The following NAA30 variants were observed in gnomAD, a reference collection of about 807,000 sequenced individuals.
NAA30 encodes the protein N-alpha-acetyltransferase 30, NatC catalytic subunit.
A neutral mutation model predicts 31.4 loss-of-function variants in NAA30; 5 were observed. The observed-to-expected ratio is 0.16, with a 90% confidence interval of 0.08 to 0.33. The LOEUF is 0.33. Ranked by LOEUF, NAA30 falls within the 10% of genes least tolerant of loss-of-function variation. The pLI is 1.00. For synonymous variants in NAA30, 222 were observed against 207.1 expected (o/e 1.07, Z -0.62); for missense variants, 428 against 490.8 (o/e 0.87, Z 1.21).
At chr14:57,404,324 A>C (rs1042457308) in intron 4 of NAA30, among the ~76,000 whole-genome samples, 1 of 152,190 alleles carries the variant, frequency 6.6e-6, no homozygotes, top group Non-Finnish European at 1.5e-5. Flanking sequence ...TCCATCACAC[A>C]CACACACACA....
chr14:57,390,782 C>T, intron 1 of NAA30, 77 bp downstream of exon 1: 1 of 568,372 alleles, frequency 1.8e-6, no homozygotes, highest in Non-Finnish European at 2.7e-6. Flanking sequence ...GCCGGCTGAG[C>T]AGCTGGGCGG....
intron 2 of NAA30, among the ~76,000 whole-genome samples, chr14:57,393,041 G>A (rs1444127277): frequency 6.6e-6 from 1 of 152,072 alleles, no homozygotes; most frequent in Non-Finnish European, 1.5e-5. Context: ...ATGATTTATA[G>A]CACTATTATA....
intron 2 of NAA30, among the ~76,000 whole-genome samples, chr14:57,392,276 A>G (rs556671476): frequency 6.6e-6 from 1 of 152,328 alleles, no homozygotes; most frequent in African/African-American, 2.4e-5. Flanking sequence ...TAACAGTTGT[A>G]GCCAGCCTGC....
At chr14:57,406,870 A>T (rs1394700666) in intron 4 of NAA30, among the ~76,000 whole-genome samples, 3 of 152,092 alleles carry the variant, frequency 2.0e-5, no homozygotes, top group Non-Finnish European at 2.9e-5. Flanking sequence ...AAATTTAATT[A>T]TGTCTGTGTG....
intron 4 of NAA30, among the ~76,000 whole-genome samples, chr14:57,400,895 TG>T (rs200779138): frequency 9.5e-4 from 142 of 149,978 alleles, no homozygotes; most frequent in African/African-American, 3.5e-3. Context: ...GGTTTTTTTT[TG>T]TTTTTTTTTT....
Position 57,399,851 on chromosome 14 carries a change from A to T in NAA30, c.919A>T (p.Ile307Leu). Residue 307 changes from isoleucine to leucine, a missense_variant, in exon 4 of 5, where the codon ATA becomes TTA. By Grantham distance (5) the Ile-to-Leu change is conservative. This residue lies in a region of NAA30 where 79 missense variants were observed against 180.3 expected (regional missense o/e 0.44). Transcript: ENST00000556492. ...AGGTACTAACTTGGTTAAGAAAGCT[A>T]TATATGCCATGGTTGAGGGAGACTG... ...GIGTNLVKKA[I>L]YAMVEGDCDE... 6.5e-7 allele frequency: 1 copy of T among 1,546,060 alleles called. No homozygotes were observed. The highest frequency in any genetic ancestry group is 8.9e-7 in the Non-Finnish European group (1 of 1,120,880).
intron 4 of NAA30, 98 bp downstream of exon 4, chr14:57,399,981 G>T (rs45628839): frequency 1.6e-6 from 1 of 629,660 alleles, no homozygotes; most frequent in Admixed American, 2.7e-5. Context: ...TTTCATTGCA[G>T]TGTTACTATA....
rs922101220 is a variant in NAA30 at position 57,390,615 on chromosome 14, G to T, written c.-92G>T. ...CGACGGCGGCTGAGTGAGAACCTTG[G>T]CGGCTGTGGAGGCTGCCGCGGCTGC... is the stretch of plus-strand genomic sequence containing the variant. On this transcript the variant is annotated 5_prime_UTR_variant, in exon 1 of 5. Coordinates refer to ENST00000556492, the MANE Select transcript of NAA30 (RefSeq NM_001011713.3). 3.1e-5 allele frequency: 10 copies of T among 322,218 alleles called. No homozygotes were observed. The highest frequency in any genetic ancestry group is 8.2e-4 in the Middle Eastern group (1 of 1,216). 20.0% of individuals were successfully genotyped at this position (322,218 alleles called of 1,614,324 possible).
rs1470151833 is a variant in NAA30 at position 57,391,196 on chromosome 14, A to G, written c.239A>G (p.Glu80Gly). The G allele has an allele frequency of 1.1e-5, 18 of 1,611,366 alleles. No individual in the cohort carries two copies. Among genetic ancestry groups the G allele is most frequent in the Non-Finnish European group, 1.5e-5 (18 of 1,179,784 alleles). ...CTCCGCTGCCCTCAGCCGCCGCAGGAGCAGCAGCAGCTCAACGGATTGATT... is the reference window on the plus strand; with the variant it reads ...CTCCGCTGCCCTCAGCCGCCGCAGGGGCAGCAGCAGCTCAACGGATTGATT... ...PCLRCPQPPQ[E>G]QQQLNGLISP... Residue 80 changes from glutamate to glycine, a missense_variant, in exon 2 of 5, where the codon GAG (glutamate) becomes GGG (glycine). By Grantham distance (98) the Glu-to-Gly change is moderately conservative. Coordinates refer to ENST00000556492, the MANE Select transcript of NAA30 (RefSeq NM_001011713.3). This position sits in a 1 kb window ranked among gnomAD's most constrained non-coding sequence, Gnocchi z 4.1.
At chr14:57,394,214 A>G (rs1455924557) in intron 2 of NAA30, among the ~76,000 whole-genome samples, 4 of 151,534 alleles carry the variant, frequency 2.6e-5, no homozygotes, top group Admixed American at 6.6e-5. Flanking sequence ...AGTTGTTGGT[A>G]TCTTTTTGAA....
At chr14:57,399,370 A>T (rs947742165) in intron 3 of NAA30, among the ~76,000 whole-genome samples, 4 of 152,210 alleles carry the variant, frequency 2.6e-5, no homozygotes, top group Non-Finnish European at 5.9e-5. Flanking sequence ...TACTGTGGGT[A>T]ACAGCAGTTC....
chr14:57,404,023 T>G (rs912182883), intron 4 of NAA30, among the ~76,000 whole-genome samples: 4 of 152,194 alleles, frequency 2.6e-5, no homozygotes, highest in Non-Finnish European at 2.9e-5. Flanking sequence ...TTTGTTTGTT[T>G]TGTTTTTAGA....
intron 4 of NAA30, among the ~76,000 whole-genome samples, chr14:57,408,043 A>T (rs1379452941): frequency 1.3e-5 from 2 of 152,140 alleles, no homozygotes; most frequent in African/African-American, 4.8e-5. Context: ...GGAATTGAGG[A>T]GGAAGAGCAG....
At chr14:57,404,831 C>A (rs984766409) in intron 4 of NAA30, among the ~76,000 whole-genome samples, 1 of 152,108 alleles carries the variant, frequency 6.6e-6, no homozygotes, top group Non-Finnish European at 1.5e-5. Context: ...GAGAACAGCA[C>A]GGGAACGACT....
At chr14:57,403,675 G>A (rs901908763) in intron 4 of NAA30, among the ~76,000 whole-genome samples, 1 of 152,176 alleles carries the variant, frequency 6.6e-6, no homozygotes, top group African/African-American at 2.4e-5. Flanking sequence ...GCTTAAATTT[G>A]TTTACACCCC....
chr14:57,396,601 T>G (rs1472031362), intron 2 of NAA30, 151 bp from the exon 3 acceptor site: 7 of 673,422 alleles, frequency 1.0e-5, no homozygotes, highest in Non-Finnish European at 1.8e-5. Flanking sequence ...GGATTTAGAT[T>G]TCTGAAACTT....
rs1310264924 is a variant in NAA30, at chr14:57,391,976, G to A, written c.771+248G>A. 6.6e-6 allele frequency among the ~76,000 whole-genome samples: 1 copy of A among 152,052 alleles called. No homozygotes were observed. Among genetic ancestry groups the A allele is most frequent in the African/African-American group, 2.4e-5 (1 of 41,390 alleles). On this transcript the variant is annotated intron_variant, in intron 2 of 4. Transcript: ENST00000556492. The surrounding 1 kb of genome is among the most constrained non-coding windows in gnomAD (Gnocchi z 4.1). Reference sequence around the variant, plus strand: ...CTGTATGGTGGCGTGTTTCACTGGGGTGGGGGTCTTGTGTCTTGTTTACAT... The same window carrying A: ...CTGTATGGTGGCGTGTTTCACTGGGATGGGGGTCTTGTGTCTTGTTTACAT...
Position 57,400,100 on chromosome 14 carries a change from A to G in NAA30, c.951+217A>G, listed in dbSNP as rs142550333. 3.3e-5 allele frequency among the ~76,000 whole-genome samples: 5 copies of G among 152,254 alleles called. No homozygotes were observed. In the East Asian group the frequency reaches 5.8e-4, roughly 18 times the overall value. ...AATTTCTTCAAAATGTGTGGGGGGA[A>G]TCTTAGACATTTTCAGTACACAATT... On this transcript the variant is annotated intron_variant, in intron 4 of 4. Coordinates refer to ENST00000556492, the MANE Select transcript of NAA30 (RefSeq NM_001011713.3).
rs370261848 is a variant in NAA30, at chr14:57,391,002, A to T, written c.45A>T (p.Pro15=). The T allele has an allele frequency of 2.5e-5, 37 of 1,497,160 alleles. No homozygotes were observed. Among genetic ancestry groups the T allele is most frequent in the Non-Finnish European group, 3.2e-5 (36 of 1,131,502 alleles). The allele number at this position is 1,497,160 out of a possible 1,614,324, so 92.7% of individuals were successfully genotyped here. A position where few individuals can be genotyped will look rare whatever the true frequency, so the allele number is the denominator to read the frequency against. ...GGCCTAGCAGCCTCCTCCCACCACCAGCACCTCCGGCCCCGGCGGCGGTCG... is the reference window on the plus strand; with the variant it reads ...GGCCTAGCAGCCTCCTCCCACCACCTGCACCTCCGGCCCCGGCGGCGGTCG... ...PPGPSSLLPP[P]APPAPAAVEP... The change falls in exon 2 of 5, where the codon CCA becomes CCT. Residue 15 remains proline (P), a synonymous_variant. Coordinates refer to ENST00000556492, the MANE Select transcript of NAA30 (RefSeq NM_001011713.3). The surrounding 1 kb of genome is among the most constrained non-coding windows in gnomAD (Gnocchi z 4.1).
Sources: gnomAD v4.1 joint callset for allele counts (sites outside exome capture counted in the v4.1 genomes callset) on GRCh38, gnomAD v4.1.1 for gene constraint, gnomAD v4.1.1 regional missense constraint, Gnocchi (gnomAD v3.1) non-coding constraint, MANE v1.5 for transcripts, NCBI Gene and HGNC (gene_info 2026-07-23, HGNC 2026-07-21) for gene names.